The following MEGF8 variants were observed in gnomAD, a reference collection of about 807,000 sequenced individuals.
MEGF8 encodes multiple epidermal growth factor-like domains protein 8.
MEGF8 carries 156 observed loss-of-function variants against 302.9 expected under a neutral mutation model. The observed-to-expected ratio is 0.52, with a 90% CI of 0.45 to 0.59. The LOEUF is 0.59. Among genes scored for constraint, MEGF8 ranks in the 20% least tolerant of loss-of-function variants. The pLI, the probability that MEGF8 is intolerant of heterozygous loss-of-function variation, is 0.00. For synonymous variants in MEGF8, 1,621 were observed against 1,660.5 expected, an observed-to-expected ratio of 0.98 and a Z score of 0.58; for missense variants, 3,345 against 3,964.5, an observed-to-expected ratio of 0.84 and a Z score of 4.20.
intron 32 of MEGF8, 37 bp from the exon 33 acceptor site, chr19:42,362,053 G>A: frequency 6.2e-7 from 1 of 1,606,952 alleles, no homozygotes; most frequent in Non-Finnish European, 8.5e-7. Flanking sequence ...GAGGGGGTCT[G>A]GATGGGTGTG....
In MEGF8 at chr19:42,326,143, G is replaced by A; in HGVS notation, c.-101G>A. 1 of 1,389,538 alleles carries A rather than the reference G, an allele frequency of 7.2e-7. No homozygotes were observed. Among genetic ancestry groups the A allele is most frequent in the East Asian group, 3.0e-5 (1 of 33,298 alleles). The allele number at this position is 1,389,538 out of a possible 1,614,324, so 86.1% of individuals were successfully genotyped here. On this transcript the variant is annotated 5_prime_UTR_variant, in exon 1 of 42. The change abolishes an upstream ATG in the 5' untranslated region. Coordinates refer to ENST00000251268, the MANE Select transcript of MEGF8 (RefSeq NM_001271938.2). ...TCTTCGATCTACAAGGTCATGTTAT[G>A]CCTATAGAGGTCGCATTTGCAGGGC... is the stretch of plus-strand genomic sequence containing the variant.
chr19:42,358,920 GT>G lies in MEGF8; in HGVS notation c.5312del (p.Phe1771SerfsTer9), dbSNP rs1238863669. The G allele has an allele frequency of 6.2e-7, 1 of 1,611,618 alleles. No homozygotes were observed. The highest frequency in any genetic ancestry group is 8.5e-7 in the Non-Finnish European group (1 of 1,179,124). ...ALWAALAGTG[G>X]FLEEISPHLK... The stretch of plus-strand genomic sequence containing the variant: ...TGGGCTGCTCTTGCTGGTACAGGAG[GT>G]TTCCTGGAGGAAATCTCACCTCACC... On this transcript the variant is annotated frameshift_variant, in exon 30 of 42. Coordinates refer to ENST00000251268, the MANE Select transcript of MEGF8 (RefSeq NM_001271938.2). LOFTEE classifies it high-confidence loss of function. The surrounding 1 kb of genome is among the most constrained non-coding windows in gnomAD (Gnocchi z 4.4).
chr19:42,329,151 A>G (rs2039023431), intron 1 of MEGF8, among the ~76,000 whole-genome samples: 1 of 152,138 alleles, frequency 6.6e-6, no homozygotes, highest in Admixed American at 6.5e-5. Context: ...GCCTGGTCTT[A>G]TGGCACTTTT....
chr19:42,360,815 C>A lies in MEGF8; in HGVS notation c.5529C>A (p.Ala1843=), dbSNP rs1341035091. The A allele has an allele frequency of 6.2e-6, 10 of 1,605,814 alleles. No individual in the cohort carries two copies. Among genetic ancestry groups the A allele is most frequent in the Non-Finnish European group, 8.5e-6 (10 of 1,176,516 alleles). The change falls in exon 32 of 42, where the codon GCC becomes GCA. Residue 1843 remains alanine, a synonymous_variant. Transcript: ENST00000251268. ...SVGPPMEESV[A]HAVAAVGSRL... The stretch of plus-strand genomic sequence containing the variant: ...GGCCCCCAATGGAGGAGTCTGTGGC[C>A]CATGCTGTGGCAGCAGTCGGGAGCC...
Position 42,376,537 on chromosome 19 carries a change from C to A in MEGF8, c.8300C>A (p.Pro2767His). 6.4e-7 allele frequency: 1 copy of A among 1,564,310 alleles called. No homozygotes were observed. Among genetic ancestry groups the A allele is most frequent in the African/African-American group, 1.4e-5 (1 of 73,672 alleles). ...PATTAGLRAGPITLEPTEDGM... is the reference protein window; with the variant it reads ...PATTAGLRAGHITLEPTEDGM... ...ACCACTGCTGGGCTGCGAGCTGGGC[C>A]CATCACTCTCGAGCCCACAGAAGAT... Residue 2767 changes from proline to histidine, a missense_variant, in exon 42 of 42, where the codon CCC becomes CAC. Transcript: ENST00000251268. The surrounding 1 kb of genome is among the most constrained non-coding windows in gnomAD (Gnocchi z 8.2).
chr19:42,358,741 A>C lies in MEGF8; in HGVS notation c.5176-46A>C. 6.8e-7 allele frequency: 1 copy of C among 1,470,588 alleles called. No individual in the cohort carries two copies. Among genetic ancestry groups the C allele is most frequent in the Non-Finnish European group, 9.0e-7 (1 of 1,110,312 alleles). 91.1% of individuals were successfully genotyped at this position (1,470,588 alleles called of 1,614,324 possible). A position where few individuals can be genotyped will look rare whatever the true frequency, so the allele number is the denominator to read the frequency against. ...TCTTGGAGGCAGGGGGCTAGAAGCA[A>C]GAGACTCGAGGAGCCTCAACCCCAG... On this transcript the variant is annotated intron_variant, in intron 29 of 41. Transcript: ENST00000251268. The surrounding 1 kb of genome is among the most constrained non-coding windows in gnomAD (Gnocchi z 4.4).
rs749592583 is a variant in MEGF8 at position 42,375,791 on chromosome 19, C to G, written c.7554C>G (p.Asp2518Glu). 2 of 1,612,990 alleles carry G rather than the reference C, an allele frequency of 1.2e-6. No individual in the cohort carries two copies. Among genetic ancestry groups the G allele is most frequent in the Non-Finnish European group, 1.7e-6 (2 of 1,179,822 alleles). The change falls in exon 42 of 42, where the codon GAC becomes GAG. Residue 2518 changes from aspartate (D) to glutamate (E), a missense_variant. Asp to Glu is a conservative substitution (Grantham distance 45). Transcript: ENST00000251268. This position sits in a 1 kb window ranked among gnomAD's most constrained non-coding sequence, Gnocchi z 7.1. ...YDTFVVRVAP[D>E]TGVHTVHIQP... ...CCTTCGTGGTCCGTGTGGCCCCTGA[C>G]ACTGGCGTCCATACTGTACACATCC...
At chr19:42,326,538 C>T (rs2038986295) in intron 1 of MEGF8, 108 bp downstream of exon 1, 1 of 1,422,910 alleles carries the variant, frequency 7.0e-7, no homozygotes. Context: ...AGGCCTTTTG[C>T]TCTAAAATGC....
rs2039363252 is a variant in MEGF8 at position 42,351,115 on chromosome 19, A to T, written c.2737-101A>T. Reference sequence around the variant, plus strand: ...CAGCTGGGGAGGGAGATGGCCTTACAGGGACAGTCTGCAGGGTGGGGCAGG... The same window carrying T: ...CAGCTGGGGAGGGAGATGGCCTTACTGGGACAGTCTGCAGGGTGGGGCAGG... On this transcript the variant is annotated intron_variant, in intron 15 of 41. Coordinates refer to ENST00000251268, the MANE Select transcript of MEGF8 (RefSeq NM_001271938.2). This position sits in a 1 kb window ranked among gnomAD's most constrained non-coding sequence, Gnocchi z 5.6. 7.8e-6 allele frequency: 8 copies of T among 1,019,982 alleles called. No individual in the cohort carries two copies. The South Asian group carries it at 1.1e-4, about 14-fold the overall frequency. The allele number at this position is 1,019,982 out of a possible 1,614,324, so 63.2% of individuals were successfully genotyped here.
Position 42,378,665 on chromosome 19 carries a change from T to C in MEGF8, c.*1890T>C, listed in dbSNP as rs2039799752. 7.2e-6 allele frequency: 1 copy of C among 139,174 alleles called. No individual in the cohort carries two copies. Among genetic ancestry groups the C allele is most frequent in the African/African-American group, 2.5e-5 (1 of 39,246 alleles). 8.6% of individuals were successfully genotyped at this position (139,174 alleles called of 1,614,324 possible). ...ATCTTCCCTTCGCGTGGAGCCTCAG[T>C]GTGAGAGGCCCTAGCCAATGCGTGC... On this transcript the variant is annotated 3_prime_UTR_variant, in exon 42 of 42. Transcript: ENST00000251268.
chr19:42,337,036 C>G (rs781463411), intron 7 of MEGF8, 48 bp from the exon 8 acceptor site: 12 of 1,612,724 alleles, frequency 7.4e-6, no homozygotes, highest in Middle Eastern at 1.7e-4. Flanking sequence ...GGGGAGTCCC[C>G]CCACCTCCCC....
intron 8 of MEGF8, among the ~76,000 whole-genome samples, chr19:42,338,453 G>C (rs1409125081): frequency 6.6e-6 from 1 of 152,178 alleles, no homozygotes; most frequent in Non-Finnish European, 1.5e-5. Flanking sequence ...TGTTGGCAAG[G>C]CTGGTCTGGA....
Position 42,336,066 on chromosome 19 carries a change from G to T in MEGF8, c.964G>T (p.Ala322Ser). The T allele has an allele frequency of 1.3e-6, 2 of 1,591,946 alleles. No homozygotes were observed. The highest frequency in any genetic ancestry group is 1.3e-5 in the African/African-American group (1 of 74,824). ...GGGCAGGGGCCACTGGGAGCTCCTG[G>T]CACCACCTGCCTCCAGCTCCTCGGG... ...PLGRGHWELLAPPASSSSGPP... is the reference protein window; with the variant it reads ...PLGRGHWELLSPPASSSSGPP... Residue 322 changes from alanine (A) to serine (S), a missense_variant, in exon 6 of 42, where the codon GCA (alanine) becomes TCA (serine). Physicochemically the swap from Ala to Ser is moderately conservative, Grantham distance 99. Coordinates refer to ENST00000251268, the MANE Select transcript of MEGF8 (RefSeq NM_001271938.2). The surrounding 1 kb of genome is among the most constrained non-coding windows in gnomAD (Gnocchi z 4.8).
At chr19:42,361,984 T>C (rs2039537794) in intron 32 of MEGF8, 106 bp from the exon 33 acceptor site, 1 of 1,500,158 alleles carries the variant, frequency 6.7e-7, no homozygotes, top group African/African-American at 1.4e-5. Flanking sequence ...AGGCCTGTGC[T>C]ATGTCCAGCT....
intron 15 of MEGF8, 104 bp downstream of exon 15, chr19:42,350,488 G>C (rs1283401727): frequency 3.6e-6 from 4 of 1,096,198 alleles, no homozygotes; most frequent in Non-Finnish European, 3.8e-6. Flanking sequence ...AAACAGCAAG[G>C]GCTTTTGGCC....
At chr19:42,327,804 T>C (rs535225199) in intron 1 of MEGF8, among the ~76,000 whole-genome samples, 1 of 152,274 alleles carries the variant, frequency 6.6e-6, no homozygotes, top group East Asian at 1.9e-4. Context: ...TGTTAAAACA[T>C]AGAATACTGG....
intron 1 of MEGF8, among the ~76,000 whole-genome samples, chr19:42,331,018 G>T (rs986104967): frequency 6.6e-6 from 1 of 152,122 alleles, no homozygotes; most frequent in Admixed American, 6.5e-5. Context: ...GGCAGGGGAG[G>T]GACGGGGCCA....
In MEGF8 at chr19:42,352,110, C is replaced by A; in HGVS notation, c.3102-98C>A. On this transcript the variant is annotated intron_variant, in intron 18 of 41. Coordinates refer to ENST00000251268, the MANE Select transcript of MEGF8 (RefSeq NM_001271938.2). The surrounding 1 kb of genome is among the most constrained non-coding windows in gnomAD (Gnocchi z 4.4). ...TCTTTCCAAATTTGTATTTGCATCC[C>A]TCTCCTTCCAATTGGCCTCCTCTCT... 7.2e-7 allele frequency: 1 copy of A among 1,383,638 alleles called. No homozygotes were observed. The allele number at this position is 1,383,638 out of a possible 1,614,324, so 85.7% of individuals were successfully genotyped here.
At chr19:42,349,796 A>C in intron 14 of MEGF8, 97 bp downstream of exon 14, 1 of 1,323,214 alleles carries the variant, frequency 7.6e-7, no homozygotes, top group Non-Finnish European at 1.1e-6. Flanking sequence ...TGAAATCCCT[A>C]GATTCTGGCC....
Sources: gnomAD v4.1 joint callset for allele counts (sites outside exome capture counted in the v4.1 genomes callset) on GRCh38, gnomAD v4.1.1 for gene constraint, Gnocchi (gnomAD v3.1) non-coding constraint, MANE v1.5 for transcripts, NCBI Gene and HGNC (gene_info 2026-07-23, HGNC 2026-07-21) for gene names.